Variants in PGBD2 observed in about 807,000 individuals in gnomAD.
PGBD2 encodes piggyBac transposable element derived 2.
A neutral mutation model predicts 8.1 loss-of-function variants in PGBD2; 6 were observed. The observed-to-expected ratio is 0.74, with a 90% confidence interval of 0.40 to 1.46. The LOEUF (loss-of-function observed/expected upper bound fraction) is 1.46. Ranked by LOEUF, PGBD2 falls within the 40% of genes most tolerant of loss-of-function variation. PGBD2 has a pLI of 0.02. For synonymous variants in PGBD2, 318 were observed against 272.2 expected, an observed-to-expected ratio of 1.17 and a Z score of -1.66; for missense variants, 802 against 739.0, an observed-to-expected ratio of 1.09 and a Z score of -0.99.
intron 1 of PGBD2, among the ~76,000 whole-genome samples, chr1:248,909,649 T>G (rs1661791947): frequency 1.3e-5 from 2 of 152,188 alleles, no homozygotes; most frequent in Non-Finnish European, 2.9e-5. Context: ...ATTATTAATT[T>G]CAGTCTATTG....
At chr1:248,887,226 T>C in the PGBD2 span, among the ~76,000 whole-genome samples, 1 of 152,228 alleles carries the variant, frequency 6.6e-6, no homozygotes, top group African/African-American at 2.4e-5. Context: ...TTGACTAAAA[T>C]ACAGGCCTTA....
At chr1:248,880,946 G>T in the PGBD2 span, among the ~76,000 whole-genome samples, 1 of 152,034 alleles carries the variant, frequency 6.6e-6, no homozygotes, top group East Asian at 1.9e-4. Flanking sequence ...GCATTATGAT[G>T]TTATCTCTGT....
chr1:248,917,305 A>G lies in PGBD2; in HGVS notation c.721A>G (p.Arg241Gly), dbSNP rs758293233. Residue 241 changes from arginine to glycine, a missense_variant, in exon 3 of 3, where the codon AGG becomes GGG. Arg to Gly is a moderately radical substitution (Grantham distance 125). Transcript: ENST00000329291. ...ADNNELDASD[R>G]FAKVRPLIIR... is the part of the protein sequence containing the mutation. ...TAACAACGAACTTGATGCAAGTGAT[A>G]GGTTTGCCAAGGTCAGACCTCTCAT... 11 of 1,614,102 alleles carry G rather than the reference A, an allele frequency of 6.8e-6. No homozygotes were observed. Among genetic ancestry groups the G allele is most frequent in the Admixed American group, 1.7e-5 (1 of 60,006 alleles).
downstream of PGBD2, among the ~76,000 whole-genome samples, chr1:248,923,725 C>T (rs1408330457): frequency 1.3e-5 from 2 of 152,196 alleles, no homozygotes; most frequent in African/African-American, 4.8e-5. Flanking sequence ...TTAAATTTGG[C>T]TTTTGCCATT....
chr1:248,902,666 A>G (rs1348623254), upstream of PGBD2, among the ~76,000 whole-genome samples: 1 of 152,250 alleles, frequency 6.6e-6, no homozygotes, highest in Non-Finnish European at 1.5e-5. Context: ...CTATGTAGCA[A>G]TAAAAAGGAT....
At chr1:248,909,262 A>G (rs191614102) in intron 1 of PGBD2, among the ~76,000 whole-genome samples, 16 of 152,236 alleles carry the variant, frequency 1.1e-4, no homozygotes, top group Non-Finnish European at 2.1e-4. Flanking sequence ...AGACTCCTGA[A>G]AGGTAGAATG....
At chr1:248,877,579 A>G in the PGBD2 span, among the ~76,000 whole-genome samples, 1 of 152,176 alleles carries the variant, frequency 6.6e-6, no homozygotes, top group Non-Finnish European at 1.5e-5. Flanking sequence ...AAAACAGGTT[A>G]TGGGAGGGGG....
At chr1:248,898,947 G>GT in the PGBD2 span, among the ~76,000 whole-genome samples, 41 of 152,040 alleles carry the variant, frequency 2.7e-4, no homozygotes, top group Admixed American at 1.1e-3. Context: ...AAAAAGCAGG[G>GT]TTTTTTTGTA....
chr1:248,919,859 T>C (rs1019161554), downstream of PGBD2: 1 of 163,832 alleles, frequency 6.1e-6, no homozygotes, highest in African/African-American at 2.4e-5. Flanking sequence ...ACTTTTTTTA[T>C]ACCTGTTTGC....
At chr1:248,923,719 A>G (rs1417245447), downstream of PGBD2, among the ~76,000 whole-genome samples, 1 of 152,232 alleles carries the variant, frequency 6.6e-6, no homozygotes, top group Non-Finnish European at 1.5e-5. Flanking sequence ...TATGTGTTAA[A>G]TTTGGCTTTT....
At chr1:248,905,830 T>C (rs1661612945), upstream of PGBD2, among the ~76,000 whole-genome samples, 4 of 152,136 alleles carry the variant, frequency 2.6e-5, no homozygotes, top group South Asian at 8.3e-4. Context: ...ACCTTCAGGG[T>C]TGGTAAGGCC....
chr1:248,876,228 G>C, the PGBD2 span, among the ~76,000 whole-genome samples: 9 of 151,998 alleles, frequency 5.9e-5, no homozygotes, highest in East Asian at 1.5e-3. Flanking sequence ...GGCTGTTCTC[G>C]AACTCCCAAC....
chr1:248,873,924 C>T, the PGBD2 span, among the ~76,000 whole-genome samples: 1 of 152,208 alleles, frequency 6.6e-6, no homozygotes, highest in East Asian at 1.9e-4. Flanking sequence ...TTTCTGGTCT[C>T]CGGATGGAGG....
upstream of PGBD2, among the ~76,000 whole-genome samples, chr1:248,903,365 A>T (rs1661566351): frequency 6.7e-6 from 1 of 149,272 alleles, no homozygotes; most frequent in South Asian, 2.1e-4. Flanking sequence ...CACCTGGCTA[A>T]CTTTAATGTA....
At chr1:248,896,361 A>G in the PGBD2 span, among the ~76,000 whole-genome samples, 1 of 152,028 alleles carries the variant, frequency 6.6e-6, no homozygotes, top group African/African-American at 2.4e-5. Context: ...TTTCATATAT[A>G]CATATATATA....
chr1:248,890,801 A>G, the PGBD2 span, among the ~76,000 whole-genome samples: 501 of 151,246 alleles, frequency 3.3e-3, 5 homozygotes, highest in African/African-American at 0.012. Flanking sequence ...CACACGCACC[A>G]CACACCACAC....
At chr1:248,911,515 T>G (rs868444194) in intron 1 of PGBD2, among the ~76,000 whole-genome samples, 2 of 141,004 alleles carry the variant, frequency 1.4e-5, no homozygotes, top group African/African-American at 6.4e-5. Context: ...CCATGTCTAC[T>G]TCTTTCTACA....
chr1:248,913,500 C>T (rs547445599), intron 1 of PGBD2, among the ~76,000 whole-genome samples: 5 of 152,206 alleles, frequency 3.3e-5, no homozygotes, highest in South Asian at 4.2e-4. Flanking sequence ...GATCGTGCAG[C>T]GGGATGTTCT....
At chr1:248,902,914 A>T (rs1386276826), upstream of PGBD2, among the ~76,000 whole-genome samples, 2 of 152,172 alleles carry the variant, frequency 1.3e-5, no homozygotes, top group African/African-American at 4.8e-5. Flanking sequence ...TGTTAAGCTT[A>T]ATACCTAGGT....
Sources: gnomAD v4.1 joint callset for allele counts (sites outside exome capture counted in the v4.1 genomes callset) on GRCh38, gnomAD v4.1.1 for gene constraint, MANE v1.5 for transcripts, NCBI Gene and HGNC (gene_info 2026-07-23, HGNC 2026-07-21) for gene names.